Variants in MAML3 observed in about 807,000 individuals in gnomAD.
MAML3 encodes the protein mastermind-like protein 3.
In MAML3, 27 loss-of-function variants were observed where a neutral mutation model predicts 101.9. The observed-to-expected ratio is 0.27, with a 90% confidence interval of 0.20 to 0.37. The LOEUF (loss-of-function observed/expected upper bound fraction) is 0.37, where lower values mean the gene tolerates loss of function less well. MAML3 is among the 10% of genes least tolerant of loss of function. The pLI, the probability that MAML3 is intolerant of heterozygous loss-of-function variation, is 1.00. For missense variants in MAML3, 1,316 were observed against 1,444.9 expected, an observed-to-expected ratio of 0.91 and a Z score of 1.45; for synonymous variants, 501 against 555.9, an observed-to-expected ratio of 0.90 and a Z score of 1.39.
intron 1 of MAML3, among the ~76,000 whole-genome samples, chr4:140,093,657 T>C (rs1728101940): frequency 6.6e-6 from 1 of 152,080 alleles, no homozygotes; most frequent in South Asian, 2.1e-4. Context: ...CTCGATCTCC[T>C]GATCTCGTGA....
intron 1 of MAML3, among the ~76,000 whole-genome samples, chr4:140,088,038 G>A (rs1182841986): frequency 6.6e-6 from 1 of 152,124 alleles, no homozygotes; most frequent in African/African-American, 2.4e-5. Flanking sequence ...AGATCAGCTT[G>A]GGCGACATCG....
At chr4:139,946,683 T>A (rs986752901) in intron 1 of MAML3, among the ~76,000 whole-genome samples, 1 of 152,126 alleles carries the variant, frequency 6.6e-6, no homozygotes, top group Non-Finnish European at 1.5e-5. Context: ...ACAGCCCAGG[T>A]GACATCCTTG....
chr4:139,950,386 A>G (rs1436976776), intron 1 of MAML3, among the ~76,000 whole-genome samples: 2 of 152,262 alleles, frequency 1.3e-5, no homozygotes, highest in Non-Finnish European at 2.9e-5. Context: ...TCTGGTCTAC[A>G]GATTTTGGAC....
intron 2 of MAML3, among the ~76,000 whole-genome samples, chr4:139,762,323 T>A (rs1729773917): frequency 6.6e-6 from 1 of 152,136 alleles, no homozygotes; most frequent in Non-Finnish European, 1.5e-5. Flanking sequence ...TTGTGAGGCT[T>A]CCTAAGGTGC....
chr4:139,802,505 C>T (rs1258886366), intron 2 of MAML3, among the ~76,000 whole-genome samples: 1 of 152,176 alleles, frequency 6.6e-6, no homozygotes, highest in Non-Finnish European at 1.5e-5. Context: ...TCTCTGAATA[C>T]TTCTCTATAT....
intron 1 of MAML3, among the ~76,000 whole-genome samples, chr4:140,144,521 C>T (rs1473081689): frequency 2.0e-5 from 3 of 149,066 alleles, no homozygotes; most frequent in Non-Finnish European, 4.4e-5. Flanking sequence ...CAGAGCGAGA[C>T]CCTGTCTCCG....
chr4:140,022,650 T>C (rs1171692135), intron 1 of MAML3, among the ~76,000 whole-genome samples: 2 of 152,182 alleles, frequency 1.3e-5, no homozygotes, highest in Non-Finnish European at 2.9e-5. Context: ...CAAGAAGCAA[T>C]GGGACAGGAG....
chr4:139,745,270 A>C (rs1255195939), intron 2 of MAML3, among the ~76,000 whole-genome samples: 1 of 145,288 alleles, frequency 6.9e-6, no homozygotes, highest in African/African-American at 2.5e-5. Flanking sequence ...AGGCAGATCC[A>C]GCCGACTCGA....
Position 139,834,652 on chromosome 4 carries a change from C to T in MAML3, c.2079+54705G>A, listed in dbSNP as rs1038556578. On this transcript the variant is annotated intron_variant, in intron 2 of 4. Transcript: ENST00000509479. ...GAATACCCTCCCTCACACACACCTG[C>T]CCAATCCTCATTAGGTTGGGCTAAT... Among the ~76,000 whole-genome samples, 3 of 152,194 alleles carry T rather than the reference C, an allele frequency of 2.0e-5. No homozygotes were observed. In the East Asian group the frequency reaches 5.8e-4, roughly 29 times the overall value.
rs113821657 is a variant in MAML3 at position 140,111,240 on chromosome 4, G to C, written c.468+41620C>G. ...CACGTTAATTATTTGGTGGCTGCTG[G>C]ATGGGCCTTTTTATCTTTTTCTTGA... On this transcript the variant is annotated intron_variant, in intron 1 of 4. Coordinates refer to ENST00000509479, the MANE Select transcript of MAML3 (RefSeq NM_018717.5). Among the ~76,000 whole-genome samples, 1,166 of 152,252 alleles carry C rather than the reference G, an allele frequency of 7.7e-3. 9 individuals are homozygous for C. The highest frequency in any genetic ancestry group is 0.026 in the African/African-American group (1,099 of 41,474).
intron 2 of MAML3, among the ~76,000 whole-genome samples, chr4:139,888,952 G>A (rs1732398288): frequency 6.6e-6 from 1 of 152,164 alleles, no homozygotes; most frequent in African/African-American, 2.4e-5. Context: ...TTATAAAACT[G>A]TTGTAGACAG....
At chr4:139,867,698 C>A (rs1442222254) in intron 2 of MAML3, among the ~76,000 whole-genome samples, 1 of 152,178 alleles carries the variant, frequency 6.6e-6, no homozygotes, top group East Asian at 1.9e-4. Flanking sequence ...ATAATGATGA[C>A]AATGAAAATA....
intron 1 of MAML3, among the ~76,000 whole-genome samples, chr4:140,101,310 C>T (rs1387533572): frequency 1.3e-5 from 2 of 152,160 alleles, no homozygotes; most frequent in Non-Finnish European, 2.9e-5. Context: ...AACACTTTTC[C>T]TCTAAAGGGA....
chr4:139,840,890 T>C (rs929720772), intron 2 of MAML3, among the ~76,000 whole-genome samples: 2 of 152,210 alleles, frequency 1.3e-5, no homozygotes, highest in Admixed American at 6.5e-5. Flanking sequence ...TTCATGGACA[T>C]AGAGTCACAT....
At chr4:139,862,133 TG>T (rs1468093681) in intron 2 of MAML3, among the ~76,000 whole-genome samples, 1 of 152,146 alleles carries the variant, frequency 6.6e-6, no homozygotes, top group Non-Finnish European at 1.5e-5. Flanking sequence ...TGCTTGAACC[TG>T]GGAGACGGAG....
At chr4:140,069,111 T>A (rs1414422342) in intron 1 of MAML3, among the ~76,000 whole-genome samples, 1 of 152,212 alleles carries the variant, frequency 6.6e-6, no homozygotes, top group African/African-American at 2.4e-5. Context: ...AATAACCACA[T>A]AATCAATATG....
At chr4:139,950,806 C>T (rs1378086105) in intron 1 of MAML3, among the ~76,000 whole-genome samples, 2 of 152,174 alleles carry the variant, frequency 1.3e-5, no homozygotes, top group Non-Finnish European at 2.9e-5. Context: ...TGCTAAGAGT[C>T]CTCCAGCCAA....
intron 2 of MAML3, among the ~76,000 whole-genome samples, chr4:139,800,639 G>A (rs1437332437): frequency 2.0e-5 from 3 of 152,126 alleles, no homozygotes; most frequent in Non-Finnish European, 4.4e-5. Flanking sequence ...GATTGTACAC[G>A]CAAGATAAAA....
intron 3 of MAML3, among the ~76,000 whole-genome samples, chr4:139,726,812 C>T (rs1160298807): frequency 1.3e-5 from 2 of 152,130 alleles, no homozygotes; most frequent in Non-Finnish European, 2.9e-5. Flanking sequence ...GTGTTGCTAC[C>T]AATATGCTGG....
Sources: allele counts gnomAD v4.1 joint callset (sites outside exome capture counted in the v4.1 genomes callset), GRCh38; gene constraint gnomAD v4.1.1; transcripts MANE v1.5; gene names NCBI Gene and HGNC (gene_info 2026-07-23, HGNC 2026-07-21).